The following PLEKHG3 variants were observed in gnomAD, a reference collection of about 807,000 sequenced individuals.
PLEKHG3 encodes the protein pleckstrin homology and RhoGEF domain containing G3.
A neutral mutation model predicts 94.9 loss-of-function variants in PLEKHG3; 62 were observed. The ratio of observed to expected loss-of-function variants is 0.65; its 90% CI spans 0.53 to 0.81. The LOEUF (loss-of-function observed/expected upper bound fraction) is 0.81, where lower values mean the gene tolerates loss of function less well. PLEKHG3 is among the 30% of genes least tolerant of loss of function. The probability of loss-of-function intolerance (pLI) is 0.00; values close to 1 mark genes in which losing one functional copy is unlikely to be tolerated. For missense variants in PLEKHG3, 1,461 were observed against 1,619.3 expected, an observed-to-expected ratio of 0.90 and a Z score of 1.68; for synonymous variants, 614 against 654.0, an observed-to-expected ratio of 0.94 and a Z score of 0.93.
At position 64,749,261 on chromosome 14, in the gene PLEKHG3, G is replaced by A. The variant is rs374987034; in HGVS notation, c.*5558G>A. 3.6e-5 allele frequency: 56 copies of A among 1,540,344 alleles called. No individual in the cohort carries two copies. The highest frequency in any genetic ancestry group is 3.4e-4 in the African/African-American group (25 of 73,104). ...GAGGAGGCCAAGGCCTGGGCTGCCC[G>A]GTCTCTGCGCGTCCCGACTCCGCCG... On this transcript the variant is annotated 3_prime_UTR_variant, in exon 17 of 17. Coordinates refer to ENST00000247226, the MANE Select transcript of PLEKHG3 (RefSeq NM_001308147.2). This position sits in a 1 kb window ranked among gnomAD's most constrained non-coding sequence, Gnocchi z 4.7.
rs760955475 is a variant in PLEKHG3, at chr14:64,742,269, G to A, written c.2752G>A (p.Val918Met). The A allele has an allele frequency of 1.6e-5, 25 of 1,612,876 alleles. No individual in the cohort carries two copies. Among genetic ancestry groups the A allele is most frequent in the South Asian group, 5.5e-5 (5 of 91,096 alleles). Residue 918 changes from valine to methionine, a missense_variant, in exon 16 of 17, where the codon GTG (valine) becomes ATG (methionine). By Grantham distance (21) the Val-to-Met change is conservative. Around this residue, in one of 3 missense-constraint regions of PLEKHG3, gnomAD observed 1,201 missense variants for 1,295.5 expected, o/e 0.93. Coordinates refer to ENST00000247226, the MANE Select transcript of PLEKHG3 (RefSeq NM_001308147.2). ...VQLSHVMDSH[V>M]SERVKNKVYQ... Reference sequence around the variant, plus strand: ...GCTCTCCCACGTAATGGACAGCCACGTGAGCGAGCGCGTCAAGAACAAGGT... The same window carrying A: ...GCTCTCCCACGTAATGGACAGCCACATGAGCGAGCGCGTCAAGAACAAGGT...
rs528793635 is a variant in PLEKHG3, at chr14:64,743,318, C to T, written c.3275C>T (p.Ser1092Leu). The T allele has an allele frequency of 5.9e-5, 95 of 1,607,858 alleles. No individual in the cohort carries two copies. The highest frequency in any genetic ancestry group is 1.7e-4 in the Admixed American group (10 of 59,836). The change falls in exon 17 of 17, where the codon TCG (serine) becomes TTG (leucine). Residue 1092 changes from serine to leucine, a missense_variant. Transcript: ENST00000247226. This position sits in a 1 kb window ranked among gnomAD's most constrained non-coding sequence, Gnocchi z 7.2. Reference protein sequence around the residue: ...VPENMVEPPLSGRVGRCRSLS... With the variant: ...VPENMVEPPLLGRVGRCRSLS... Reference sequence around the variant, plus strand: ...GAGAACATGGTAGAGCCACCTCTGTCGGGCAGGGTGGGCCGCTGCCGCAGC... The same window carrying T: ...GAGAACATGGTAGAGCCACCTCTGTTGGGCAGGGTGGGCCGCTGCCGCAGC...
At position 64,738,405 on chromosome 14, in the gene PLEKHG3, G is replaced by A. The variant is rs1257895081; in HGVS notation, c.1405-337G>A. ...TGAGCCCCTGGCATGCTCTGTTCCA[G>A]TACTGGGCACTAATCAATATAACGC... On this transcript the variant is annotated intron_variant, in intron 14 of 16. Coordinates refer to ENST00000247226, the MANE Select transcript of PLEKHG3 (RefSeq NM_001308147.2). This position sits in a 1 kb window ranked among gnomAD's most constrained non-coding sequence, Gnocchi z 4.8. 2.0e-5 allele frequency among the ~76,000 whole-genome samples: 3 copies of A among 152,196 alleles called. No homozygotes were observed. Among genetic ancestry groups the A allele is most frequent in the African/African-American group, 7.2e-5 (3 of 41,452 alleles).
Position 64,731,595 on chromosome 14 carries a change from A to G in PLEKHG3, c.1032+52A>G. On this transcript the variant is annotated intron_variant, in intron 8 of 16. Transcript: ENST00000247226. This position sits in a 1 kb window ranked among gnomAD's most constrained non-coding sequence, Gnocchi z 6.1. ...TGCCATCTTCTCTCCTTCCCAAAGG[A>G]TCTGGGCTCCCCTTCTTGTCTGCTT... The G allele has an allele frequency of 6.3e-7, 1 of 1,582,884 alleles. No homozygotes were observed. Among genetic ancestry groups the G allele is most frequent in the East Asian group, 2.2e-5 (1 of 44,660 alleles).
intron 13 of PLEKHG3, chr14:64,737,098 C>G: frequency 1.5e-6 from 1 of 652,862 alleles, no homozygotes. Flanking sequence ...GCACAGGCCT[C>G]ATGCCCTTTC....
chr14:64,733,864 C>T lies in PLEKHG3; in HGVS notation c.1345+963C>T, dbSNP rs139340645. On this transcript the variant is annotated intron_variant, in intron 12 of 16. Coordinates refer to ENST00000247226, the MANE Select transcript of PLEKHG3 (RefSeq NM_001308147.2). ...TGTGTGTTTTCAAAATTGGTTTTTT[C>T]GTTGCTATTTAGTGCAAGGCCCAAG... is the stretch of plus-strand genomic sequence containing the variant. Among the ~76,000 whole-genome samples the T allele has an allele frequency of 6.9e-3, 1,047 of 152,244 alleles. 12 individuals are homozygous for T. The highest frequency in any genetic ancestry group is 0.023 in the African/African-American group (968 of 41,540).
Position 64,743,867 on chromosome 14 carries a change from C to A in PLEKHG3, c.*164C>A. ...GAAGGATGCTCCCGTGTGCAGGGGT[C>A]TCCTGCCTGTGCCATCCACTGGGGC... is the stretch of plus-strand genomic sequence containing the variant. On this transcript the variant is annotated 3_prime_UTR_variant, in exon 17 of 17. Coordinates refer to ENST00000247226, the MANE Select transcript of PLEKHG3 (RefSeq NM_001308147.2). This position sits in a 1 kb window ranked among gnomAD's most constrained non-coding sequence, Gnocchi z 7.2. 1 of 692,046 alleles carries A rather than the reference C, an allele frequency of 1.4e-6. No homozygotes were observed. Among genetic ancestry groups the A allele is most frequent in the Non-Finnish European group, 2.3e-6 (1 of 440,450 alleles). The allele number at this position is 692,046 out of a possible 1,614,324, so 42.9% of individuals were successfully genotyped here. A position where few individuals can be genotyped will look rare whatever the true frequency, so the allele number is the denominator to read the frequency against.
rs1267281869 is a variant in PLEKHG3 at position 64,717,720 on chromosome 14, C to T, written c.-39-9873C>T. Reference sequence around the variant, plus strand: ...TTTCTAGCTAATGTTCCCTCGATCTCTCGCTCCTCCTCGAAGCTGTCTCTG... The same window carrying T: ...TTTCTAGCTAATGTTCCCTCGATCTTTCGCTCCTCCTCGAAGCTGTCTCTG... On this transcript the variant is annotated intron_variant, in intron 1 of 16. Transcript: ENST00000247226. This position sits in a 1 kb window ranked among gnomAD's most constrained non-coding sequence, Gnocchi z 4.7. Among the ~76,000 whole-genome samples the T allele has an allele frequency of 6.6e-6, 1 of 152,264 alleles. No homozygotes were observed. Among genetic ancestry groups the T allele is most frequent in the Non-Finnish European group, 1.5e-5 (1 of 68,048 alleles).
At position 64,731,407 on chromosome 14, in the gene PLEKHG3, C is replaced by T. The variant is rs2081460370; in HGVS notation, c.896C>T (p.Thr299Ile). The change falls in exon 8 of 17, where the codon ACC becomes ATC. Residue 299 changes from threonine (T) to isoleucine (I), a missense_variant. Coordinates refer to ENST00000247226, the MANE Select transcript of PLEKHG3 (RefSeq NM_001308147.2). The surrounding 1 kb of genome is among the most constrained non-coding windows in gnomAD (Gnocchi z 6.1). ...AACTGGAAGGGGCCCGACCTGACCA[C>T]CTACGGGGAGCTTGTCCTGGAGGGC... ...LINWKGPDLT[T>I]YGELVLEGTF... 6.2e-7 allele frequency: 1 copy of T among 1,614,084 alleles called. No homozygotes were observed. Among genetic ancestry groups the T allele is most frequent in the African/African-American group, 1.3e-5 (1 of 75,038 alleles).
At chr14:64,711,098 C>T (rs577273472) in intron 1 of PLEKHG3, among the ~76,000 whole-genome samples, 113 of 152,328 alleles carry the variant, frequency 7.4e-4, no homozygotes, top group African/African-American at 2.5e-3. Context: ...TTACCCACTT[C>T]ACCCACCCCA....
intron 1 of PLEKHG3, among the ~76,000 whole-genome samples, chr14:64,710,780 C>T (rs2081056184): frequency 6.7e-6 from 1 of 150,240 alleles, no homozygotes; most frequent in Non-Finnish European, 1.5e-5. Flanking sequence ...ATAAAAACTC[C>T]AGGAAAAGCA....
rs1000286042 is a variant in PLEKHG3, at chr14:64,743,820, G to T, written c.*117G>T. On this transcript the variant is annotated 3_prime_UTR_variant, in exon 17 of 17. Coordinates refer to ENST00000247226, the MANE Select transcript of PLEKHG3 (RefSeq NM_001308147.2). This position sits in a 1 kb window ranked among gnomAD's most constrained non-coding sequence, Gnocchi z 7.2. ...CCCAGGGCCCTCAGGTGGGCGGAAA[G>T]TCCATCCCCTCCGCCCTTCAGGAAG... 4.0e-5 allele frequency: 46 copies of T among 1,137,874 alleles called. No individual in the cohort carries two copies. The African/African-American group carries it at 7.2e-4, about 18-fold the overall frequency. 70.5% of individuals were successfully genotyped at this position (1,137,874 alleles called of 1,614,324 possible).
Position 64,724,171 on chromosome 14 carries a change from T to TAC in PLEKHG3, c.-39-3414_-39-3413dup, listed in dbSNP as rs1451136738. On this transcript the variant is annotated intron_variant, in intron 1 of 16. Coordinates refer to ENST00000247226, the MANE Select transcript of PLEKHG3 (RefSeq NM_001308147.2). ...TAACTGTCTCTGTGGGAGTCTGAGCTACACACACATAATGGTTCCAATCCG... is the reference window on the plus strand; with the variant it reads ...TAACTGTCTCTGTGGGAGTCTGAGCTACACACACACATAATGGTTCCAATCCG... 8.5e-5 allele frequency among the ~76,000 whole-genome samples: 13 copies of TAC among 152,100 alleles called. No individual in the cohort carries two copies. The East Asian group carries it at 2.5e-3, about 29-fold the overall frequency.
intron 12 of PLEKHG3, among the ~76,000 whole-genome samples, chr14:64,733,402 A>T (rs1426469214): frequency 3.9e-5 from 6 of 152,062 alleles, no homozygotes; most frequent in African/African-American, 4.8e-5. Flanking sequence ...TCCTGGCCTC[A>T]GGTGATCCGC....
At position 64,726,798 on chromosome 14, in the gene PLEKHG3, G is replaced by T. The variant is rs909372546; in HGVS notation, c.-39-795G>T. On this transcript the variant is annotated intron_variant, in intron 1 of 16. Coordinates refer to ENST00000247226, the MANE Select transcript of PLEKHG3 (RefSeq NM_001308147.2). The surrounding 1 kb of genome is among the most constrained non-coding windows in gnomAD (Gnocchi z 5.1). ...GCTGGGGTGGGGCTGCGGAGTCGGG[G>T]GATAATGCTGGCTCAGCCAGTCAGT... Among the ~76,000 whole-genome samples the T allele has an allele frequency of 1.3e-5, 2 of 152,162 alleles. No homozygotes were observed. The highest frequency in any genetic ancestry group is 2.9e-5 in the Non-Finnish European group (2 of 68,028).
rs1477429751 is a variant in PLEKHG3 at position 64,716,283 on chromosome 14, G to C, written c.-39-11310G>C. On this transcript the variant is annotated intron_variant, in intron 1 of 16. Transcript: ENST00000247226. The surrounding 1 kb of genome is among the most constrained non-coding windows in gnomAD (Gnocchi z 5.0). ...CCATAAAGGGAGCAGGCATAGGTGA[G>C]CTGCTCTTCTTAGTGGACTGTCATG... Among the ~76,000 whole-genome samples, 1 of 152,106 alleles carries C rather than the reference G, an allele frequency of 6.6e-6. No individual in the cohort carries two copies. Among genetic ancestry groups the C allele is most frequent in the East Asian group, 1.9e-4 (1 of 5,180 alleles).
At chr14:64,733,474 C>T (rs2081513339) in intron 12 of PLEKHG3, among the ~76,000 whole-genome samples, 1 of 152,172 alleles carries the variant, frequency 6.6e-6, no homozygotes, top group African/African-American at 2.4e-5. Flanking sequence ...GTCCAGCCCA[C>T]CTTTTTCAAG....
Position 64,727,568 on chromosome 14 carries a change from C to T in PLEKHG3, c.-39-25C>T. On this transcript the variant is annotated intron_variant, in intron 1 of 16. Coordinates refer to ENST00000247226, the MANE Select transcript of PLEKHG3 (RefSeq NM_001308147.2). The surrounding 1 kb of genome is among the most constrained non-coding windows in gnomAD (Gnocchi z 6.0). ...TTTCTGTGGGCATTCAGAGGTTGAC[C>T]CTTCATCTGTCTGTCTTGTTGCAGA... The T allele has an allele frequency of 2.2e-6, 2 of 905,844 alleles. No homozygotes were observed. Among genetic ancestry groups the T allele is most frequent in the Non-Finnish European group, 3.6e-6 (2 of 562,618 alleles). The allele number at this position is 905,844 out of a possible 1,614,324, so 56.1% of individuals were successfully genotyped here.
In PLEKHG3 at chr14:64,704,490, G is replaced by C. The variant is rs1474491334; in HGVS notation, c.-254G>C. 6.4e-6 allele frequency: 1 copy of C among 157,380 alleles called. No homozygotes were observed. The highest frequency in any genetic ancestry group is 1.4e-5 in the Non-Finnish European group (1 of 71,064). The allele number at this position is 157,380 out of a possible 1,614,324, so 9.7% of individuals were successfully genotyped here. A position where few individuals can be genotyped will look rare whatever the true frequency, so the allele number is the denominator to read the frequency against. ...CTCCGGCTCCGCTCGACTTCCTGCC[G>C]GGCGCTGGCAAGCCGCGCGCTGCCT... On this transcript the variant is annotated 5_prime_UTR_variant, in exon 1 of 17. Transcript: ENST00000247226. The surrounding 1 kb of genome is among the most constrained non-coding windows in gnomAD (Gnocchi z 5.6).
Sources: gnomAD v4.1 joint callset for allele counts (sites outside exome capture counted in the v4.1 genomes callset) on GRCh38, gnomAD v4.1.1 for gene constraint, gnomAD v4.1.1 regional missense constraint, Gnocchi (gnomAD v3.1) non-coding constraint, MANE v1.5 for transcripts, NCBI Gene and HGNC (gene_info 2026-07-23, HGNC 2026-07-21) for gene names.